CD28: variants seen among roughly 807,000 people sequenced by gnomAD.
The protein encoded by CD28 is T-cell-specific surface glycoprotein CD28.
CD28 carries 8 observed loss-of-function variants against 21.4 expected under a neutral mutation model. The ratio of observed to expected loss-of-function variants is 0.37; its 90% CI spans 0.22 to 0.68. CD28 has a LOEUF of 0.68. CD28 is among the 30% of genes least tolerant of loss of function. The pLI is 0.55. For synonymous variants in CD28, 106 were observed against 104.0 expected, an observed-to-expected ratio of 1.02 and a Z score of -0.12; for missense variants, 239 against 272.2, an observed-to-expected ratio of 0.88 and a Z score of 0.86.
intron 1 of CD28, among the ~76,000 whole-genome samples, chr2:203,720,219 G>T (rs547602717): frequency 6.6e-6 from 1 of 152,142 alleles, no homozygotes; most frequent in East Asian, 1.9e-4. Flanking sequence ...AGGGAAAGAG[G>T]TTTGAGGTTA....
chr2:203,723,299 C>T (rs111488988), intron 1 of CD28, among the ~76,000 whole-genome samples: 106 of 151,920 alleles, frequency 7.0e-4, no homozygotes, highest in African/African-American at 2.2e-3. Context: ...CCAGCCTGGC[C>T]CACATGGAGA....
At chr2:203,710,181 C>A (rs1158775611) in intron 1 of CD28, among the ~76,000 whole-genome samples, 2 of 152,166 alleles carry the variant, frequency 1.3e-5, no homozygotes, top group East Asian at 3.9e-4. Flanking sequence ...TTCCAATATG[C>A]TGTGGCCAGT....
Position 203,734,911 on chromosome 2 carries a change from G to T in CD28, c.662G>T (p.Ter221LeuextTer25). 1.2e-6 allele frequency: 2 copies of T among 1,613,954 alleles called. No homozygotes were observed. The highest frequency in any genetic ancestry group is 1.7e-6 in the Non-Finnish European group (2 of 1,179,914). Residue 221 changes from the stop codon to leucine (L), a stop_lost, in exon 4 of 4, where the codon TGA becomes TTA. Coordinates refer to ENST00000324106, the MANE Select transcript of CD28 (RefSeq NM_006139.4). ...CGCGACTTCGCAGCCTATCGCTCCT[G>T]ACACGGACGCCTATCCAGAAGCCAG... ...PPRDFAAYRS[*>L]
chr2:203,733,499 A>T (rs995877154), intron 3 of CD28, among the ~76,000 whole-genome samples: 1 of 152,092 alleles, frequency 6.6e-6, no homozygotes, highest in African/African-American at 2.4e-5. Context: ...TTTGAGGTTT[A>T]GTCCAGAGAT....
rs1273288383 is a variant in CD28, at chr2:203,736,058, G to A, written c.*1146G>A. ...AACAACAAACCACAAAATTATTTGA[G>A]TACTGTGAAGGATTATTTGTCTAAC... On this transcript the variant is annotated 3_prime_UTR_variant, in exon 4 of 4. Transcript: ENST00000324106. 1 of 147,138 alleles carries A rather than the reference G, an allele frequency of 6.8e-6. No individual in the cohort carries two copies. The highest frequency in any genetic ancestry group is 2.5e-5 in the African/African-American group (1 of 40,764). 9.1% of individuals were successfully genotyped at this position (147,138 alleles called of 1,614,324 possible).
intron 1 of CD28, among the ~76,000 whole-genome samples, chr2:203,723,750 G>A (rs796067506): frequency 8.5e-5 from 13 of 152,230 alleles, no homozygotes; most frequent in African/African-American, 2.4e-4. Flanking sequence ...AACAAGTGTC[G>A]GCAAGGGTGA....
At chr2:203,709,445 T>G (rs1693255138) in intron 1 of CD28, among the ~76,000 whole-genome samples, 4 of 152,372 alleles carry the variant, frequency 2.6e-5, no homozygotes, top group Admixed American at 1.3e-4. Context: ...GCTTAAAATA[T>G]TTATTCTATA....
intron 1 of CD28, among the ~76,000 whole-genome samples, chr2:203,721,313 G>C (rs78640263): frequency 6.6e-6 from 1 of 152,140 alleles, no homozygotes. Flanking sequence ...CTGCATAAAA[G>C]CCTTCAGTAG....
At chr2:203,720,854 A>G (rs547613324) in intron 1 of CD28, among the ~76,000 whole-genome samples, 1 of 152,334 alleles carries the variant, frequency 6.6e-6, no homozygotes, top group African/African-American at 2.4e-5. Context: ...ATGATCACAC[A>G]TATTCAGTAT....
intron 3 of CD28, among the ~76,000 whole-genome samples, chr2:203,732,312 GTAAA>G (rs1189014681): frequency 6.6e-6 from 1 of 152,190 alleles, no homozygotes; most frequent in East Asian, 1.9e-4. Context: ...TGACATTTGA[GTAAA>G]TAAAGAGCTC....
Position 203,734,844 on chromosome 2 carries a change from C to A in CD28, c.595C>A (p.Pro199Thr). ...CTACATGAACATGACTCCCCGCCGC[C>A]CCGGGCCCACCCGCAAGCATTACCA... is the stretch of plus-strand genomic sequence containing the variant. ...SDYMNMTPRRPGPTRKHYQPY... is the reference protein window; with the variant it reads ...SDYMNMTPRRTGPTRKHYQPY... The change falls in exon 4 of 4, where the codon CCC (proline) becomes ACC (threonine). Residue 199 changes from proline to threonine, a missense_variant. By Grantham distance (38) the Pro-to-Thr change is conservative (BLOSUM62 -1). Around this residue, in one of 3 missense-constraint regions of CD28, gnomAD observed 112 missense variants for 112.8 expected, o/e 0.99. Coordinates refer to ENST00000324106, the MANE Select transcript of CD28 (RefSeq NM_006139.4). 1 of 1,614,222 alleles carries A rather than the reference C, an allele frequency of 6.2e-7. No homozygotes were observed. The highest frequency in any genetic ancestry group is 8.5e-7 in the Non-Finnish European group (1 of 1,180,040).
At position 203,735,073 on chromosome 2, in the gene CD28, A is replaced by G. The variant is rs1232824803; in HGVS notation, c.*161A>G. ...AGTGACTAGACCAAATATCAAGATC[A>G]TTTTGAGACTCTGAAATGAAGTAAA... is the stretch of plus-strand genomic sequence containing the variant. On this transcript the variant is annotated 3_prime_UTR_variant, in exon 4 of 4. Coordinates refer to ENST00000324106, the MANE Select transcript of CD28 (RefSeq NM_006139.4). The G allele has an allele frequency of 2.7e-6, 2 of 737,498 alleles. No individual in the cohort carries two copies. Among genetic ancestry groups the G allele is most frequent in the Admixed American group, 6.0e-5 (2 of 33,564 alleles). 45.7% of individuals were successfully genotyped at this position (737,498 alleles called of 1,614,324 possible).
At chr2:203,712,660 T>C (rs774660641) in intron 1 of CD28, among the ~76,000 whole-genome samples, 12 of 152,338 alleles carry the variant, frequency 7.9e-5, no homozygotes, top group Non-Finnish European at 1.6e-4. Flanking sequence ...AATAAATATT[T>C]GTTGAAGAAA....
At chr2:203,715,693 T>C (rs1693445404) in intron 1 of CD28, among the ~76,000 whole-genome samples, 1 of 152,224 alleles carries the variant, frequency 6.6e-6, no homozygotes, top group African/African-American at 2.4e-5. Flanking sequence ...ACTCTAGTCC[T>C]ATACTTCTAA....
rs3116496 is a variant in CD28, at chr2:203,729,789, T to C, written c.534+17T>C. ...ATTTTCTGGGTAAGAGAAGCAGCACTGCTTTTATGTAACTTTTCCACTGCA... is the reference window on the plus strand; with the variant it reads ...ATTTTCTGGGTAAGAGAAGCAGCACCGCTTTTATGTAACTTTTCCACTGCA... On this transcript the variant is annotated intron_variant, in intron 3 of 3. Coordinates refer to ENST00000324106, the MANE Select transcript of CD28 (RefSeq NM_006139.4). The C allele has an allele frequency of 0.16, 261,325 of 1,607,574 alleles. 22,979 individuals are homozygous for C. The highest frequency in any genetic ancestry group is 0.23 in the Middle Eastern group (1,372 of 6,018).
intron 1 of CD28, among the ~76,000 whole-genome samples, chr2:203,713,825 T>C (rs1441283311): frequency 6.7e-6 from 1 of 148,730 alleles, no homozygotes; most frequent in Non-Finnish European, 1.5e-5. Context: ...AGGAGCCAAG[T>C]GCTGGACCTG....
rs199784948 is a variant in CD28 at position 203,734,978 on chromosome 2, T to G, written c.*66T>G. On this transcript the variant is annotated 3_prime_UTR_variant, in exon 4 of 4. Coordinates refer to ENST00000324106, the MANE Select transcript of CD28 (RefSeq NM_006139.4). ...ATCTGCTCAATATCACTGCTCTGGA[T>G]AGGAAATGACCGCCATCTCCAGCCG... 1.0e-5 allele frequency: 16 copies of G among 1,562,728 alleles called. No homozygotes were observed. The highest frequency in any genetic ancestry group is 1.4e-5 in the Non-Finnish European group (16 of 1,152,996).
chr2:203,714,697 A>G (rs890595079), intron 1 of CD28, among the ~76,000 whole-genome samples: 1 of 152,166 alleles, frequency 6.6e-6, no homozygotes, highest in African/African-American at 2.4e-5. Flanking sequence ...TTTTTTAAAA[A>G]GCTAACTTTT....
chr2:203,738,784 T>G lies in CD28; in HGVS notation c.*3872T>G, dbSNP rs1694114885. ...CATAGCATTTTACCATCTCTTACAT[T>G]AGACATTTTTCTTATTTATTTGTAG... is the stretch of plus-strand genomic sequence containing the variant. On this transcript the variant is annotated 3_prime_UTR_variant, in exon 4 of 4. Coordinates refer to ENST00000324106, the MANE Select transcript of CD28 (RefSeq NM_006139.4). 6.6e-6 allele frequency: 1 copy of G among 152,200 alleles called. No individual in the cohort carries two copies. The allele number at this position is 152,200 out of a possible 1,614,324, so 9.4% of individuals were successfully genotyped here. A position where few individuals can be genotyped will look rare whatever the true frequency, so the allele number is the denominator to read the frequency against.
Sources: allele counts gnomAD v4.1 joint callset (sites outside exome capture counted in the v4.1 genomes callset), GRCh38; gene constraint gnomAD v4.1.1; regional missense constraint gnomAD v4.1.1; transcripts MANE v1.5; gene names NCBI Gene and HGNC (gene_info 2026-07-23, HGNC 2026-07-21).